The following MEGF6 variants were observed in gnomAD, a reference collection of about 807,000 sequenced individuals.
MEGF6 encodes the protein multiple epidermal growth factor-like domains protein 6.
Under a neutral mutation model 207.1 loss-of-function variants are expected in MEGF6, and 184 were observed. That is an observed-to-expected ratio of 0.89 (90% CI 0.79 to 1.00). MEGF6 has a LOEUF of 1.00. Among genes scored for constraint, MEGF6 ranks in the 50% least tolerant of loss-of-function variants. The pLI, the probability that MEGF6 is intolerant of heterozygous loss-of-function variation, is 0.00. For synonymous variants in MEGF6, 1,038 were observed against 910.0 expected (o/e 1.14, Z -2.53); for missense variants, 2,282 against 2,202.9 (o/e 1.04, Z -0.72).
chr1:3,504,818 G>A (rs982785063), intron 17 of MEGF6, among the ~76,000 whole-genome samples: 1 of 152,186 alleles, frequency 6.6e-6, no homozygotes, highest in Non-Finnish European at 1.5e-5. Context: ...ACCTCCAGGG[G>A]CAGCCTCTGC....
intron 4 of MEGF6, among the ~76,000 whole-genome samples, chr1:3,574,347 G>C (rs1001009183): frequency 1.3e-5 from 2 of 151,972 alleles, no homozygotes; most frequent in Non-Finnish European, 1.5e-5. Flanking sequence ...CCTCTGCTCT[G>C]CTCCTCTGCT....
intron 4 of MEGF6, among the ~76,000 whole-genome samples, chr1:3,578,594 G>A (rs1643707754): frequency 6.6e-6 from 1 of 151,984 alleles, no homozygotes; most frequent in Admixed American, 6.6e-5. Flanking sequence ...CATGGTCACT[G>A]CAGCAGCCCT....
Position 3,502,047 on chromosome 1 carries a change from CCCCGG to C in MEGF6, c.2189-131_2189-127del. ...ACATGGGCTCCTGGCGAGTGTGCCC[CCCCGG>C]CGCCTCCTCACATGGGCTCCTGGCG... On this transcript the variant is annotated intron_variant, in intron 17 of 36. Coordinates refer to ENST00000356575, the MANE Select transcript of MEGF6 (RefSeq NM_001409.4). 9 of 1,343,314 alleles carry C rather than the reference CCCCGG, an allele frequency of 6.7e-6. 1 individual carries two copies. Among genetic ancestry groups the C allele is most frequent in the South Asian group, 6.5e-5 (5 of 76,348 alleles). 83.2% of individuals were successfully genotyped at this position (1,343,314 alleles called of 1,614,324 possible). A position where few individuals can be genotyped will look rare whatever the true frequency, so the allele number is the denominator to read the frequency against.
intron 3 of MEGF6, among the ~76,000 whole-genome samples, chr1:3,588,851 C>T (rs1643934737): frequency 1.3e-5 from 2 of 152,106 alleles, no homozygotes; most frequent in Non-Finnish European, 2.9e-5. Flanking sequence ...CACCATGAAG[C>T]AGCCCTCACT....
chr1:3,539,951 T>A (rs1332645129), intron 4 of MEGF6, among the ~76,000 whole-genome samples: 1 of 152,174 alleles, frequency 6.6e-6, no homozygotes, highest in East Asian at 1.9e-4. Context: ...GGGTCGCACC[T>A]GTCCAGCATC....
rs1409481403 is a variant in MEGF6 at position 3,490,518 on chromosome 1, ACT to A, written c.*8_*9del. 3 of 1,612,232 alleles carry A rather than the reference ACT, an allele frequency of 1.9e-6. No individual in the cohort carries two copies. The South Asian group carries it at 3.3e-5, about 18-fold the overall frequency. On this transcript the variant is annotated 3_prime_UTR_variant, in exon 37 of 37. Coordinates refer to ENST00000356575, the MANE Select transcript of MEGF6 (RefSeq NM_001409.4). ...GGACTGGAGAGGCGGGCTCCACGGG[ACT>A]GCCTCTACTAGTGCCTCGCTGGTCC...
the MEGF6 span, among the ~76,000 whole-genome samples, chr1:3,618,051 C>T: frequency 6.6e-6 from 1 of 152,156 alleles, no homozygotes; most frequent in African/African-American, 2.4e-5. This position sits in a 1 kb window ranked among gnomAD's most constrained non-coding sequence, Gnocchi z 4.7. Flanking sequence ...CGACACCCTG[C>T]AGGCCCCTGG....
In MEGF6 at chr1:3,500,773, G is replaced by A. The variant is rs375140343; in HGVS notation, c.2576-9C>T. ...GTGCCCAGTATCACAGGCTGCAACA[G>A]AACTCAGGGTCACCCGGCGCAGGCC... is the stretch of plus-strand genomic sequence containing the variant. On this transcript the variant is annotated splice_polypyrimidine_tract_variant and intron_variant, in intron 20 of 36. Coordinates refer to ENST00000356575, the MANE Select transcript of MEGF6 (RefSeq NM_001409.4). The A allele has an allele frequency of 4.4e-6, 7 of 1,605,246 alleles. No individual in the cohort carries two copies. Among genetic ancestry groups the A allele is most frequent in the Non-Finnish European group, 5.1e-6 (6 of 1,176,164 alleles).
At chr1:3,513,280 T>C (rs1033558111) in intron 7 of MEGF6, among the ~76,000 whole-genome samples, 2 of 152,088 alleles carry the variant, frequency 1.3e-5, no homozygotes, top group African/African-American at 4.8e-5. Context: ...GGTGCAATCA[T>C]GGCTCACTGT....
chr1:3,580,927 G>A (rs193286546), intron 3 of MEGF6, among the ~76,000 whole-genome samples: 4 of 152,232 alleles, frequency 2.6e-5, no homozygotes, highest in Admixed American at 2.6e-4. Flanking sequence ...AGGGAGGGAA[G>A]CTCTAGACAA....
chr1:3,501,969 C>T, intron 17 of MEGF6, 48 bp from the exon 18 acceptor site: 1 of 1,262,858 alleles, frequency 7.9e-7, no homozygotes. Flanking sequence ...GTGGAGTGGA[C>T]TGACCAGAGC....
At chr1:3,531,675 T>C (rs1328651245) in intron 4 of MEGF6, among the ~76,000 whole-genome samples, 3 of 152,150 alleles carry the variant, frequency 2.0e-5, no homozygotes, top group Non-Finnish European at 2.9e-5. Flanking sequence ...GACTCACGTG[T>C]GCAAACATGC....
chr1:3,536,058 G>T (rs1196048663), intron 4 of MEGF6, among the ~76,000 whole-genome samples: 1 of 152,166 alleles, frequency 6.6e-6, no homozygotes, highest in Admixed American at 6.5e-5. Context: ...CCTGGCTCTG[G>T]CCGTCCTCTG....
chr1:3,532,303 C>A (rs55762450), intron 4 of MEGF6, among the ~76,000 whole-genome samples: 20,725 of 152,256 alleles, frequency 0.14, 1,628 homozygotes, highest in East Asian at 0.37. Context: ...GGATCAGAGT[C>A]CCCAGAGCCC....
chr1:3,554,356 G>A (rs1324601652), intron 4 of MEGF6, among the ~76,000 whole-genome samples: 1 of 152,152 alleles, frequency 6.6e-6, no homozygotes, highest in Non-Finnish European at 1.5e-5. Flanking sequence ...GTCTAACAAG[G>A]GGTGGGGACC....
chr1:3,613,050 A>G (rs1197731096), upstream of MEGF6, among the ~76,000 whole-genome samples: 1 of 152,086 alleles, frequency 6.6e-6, no homozygotes, highest in Admixed American at 6.5e-5. Context: ...AACAACAACA[A>G]CCATTGACAG....
chr1:3,497,458 C>T, intron 26 of MEGF6, 97 bp from the exon 27 acceptor site: 4 of 1,371,618 alleles, frequency 2.9e-6, no homozygotes, highest in Non-Finnish European at 3.9e-6. Flanking sequence ...GTACGACCCA[C>T]CCAATGCTGG....
chr1:3,617,765 C>T, the MEGF6 span, among the ~76,000 whole-genome samples: 1 of 152,220 alleles, frequency 6.6e-6, no homozygotes, highest in African/African-American at 2.4e-5. Context: ...GACAGGCGTC[C>T]TTGTAAGAGA....
At position 3,495,896 on chromosome 1, in the gene MEGF6, CA is replaced by C. The variant is rs779158934; in HGVS notation, c.3864del (p.Cys1288TrpfsTer230). 1 of 1,598,342 alleles carries C rather than the reference CA, an allele frequency of 6.3e-7. No homozygotes were observed. Among genetic ancestry groups the C allele is most frequent in the South Asian group, 1.1e-5 (1 of 90,760 alleles). On this transcript the variant is annotated frameshift_variant, in exon 30 of 37. Coordinates refer to ENST00000356575, the MANE Select transcript of MEGF6 (RefSeq NM_001409.4). LOFTEE classifies it high-confidence loss of function. The stretch of plus-strand genomic sequence containing the variant: ...CTCTGGAGTGAACACTCACCTCGCT[CA>C]CAGCGGACGCCGGCTCTCCCCGGGG... ...LCPPGRAGVR[C>X]ERGCPQNRFG...
Sources: allele counts gnomAD v4.1 joint callset (sites outside exome capture counted in the v4.1 genomes callset), GRCh38; gene constraint gnomAD v4.1.1; non-coding constraint Gnocchi (gnomAD v3.1); transcripts MANE v1.5; gene names NCBI Gene and HGNC (gene_info 2026-07-23, HGNC 2026-07-21).